The following MED14 variants were observed in gnomAD, a reference collection of about 807,000 sequenced individuals.
The protein encoded by MED14 is mediator complex subunit 14.
Under a neutral mutation model 109.0 loss-of-function variants are expected in MED14, and 8 were observed. The ratio of observed to expected loss-of-function variants is 0.07; its 90% CI spans 0.04 to 0.13. MED14 has a LOEUF of 0.13. Ranked by LOEUF, MED14 falls within the 10% of genes least tolerant of loss-of-function variation. MED14 has a pLI of 1.00. For missense variants in MED14, 711 were observed against 1,142.4 expected (o/e 0.62, Z 5.44); for synonymous variants, 399 against 408.7 (o/e 0.98, Z 0.29).
intron 26 of MED14, 29 bp from the exon 27 acceptor site, chrX:40,659,636 A>G: frequency 3.5e-6 from 4 of 1,148,410 alleles, no homozygotes; most frequent in Non-Finnish European, 4.7e-6. Context: ...TCAAATTAAC[A>G]TGTAAGTCAA....
intron 3 of MED14, among the ~76,000 whole-genome samples, chrX:40,723,914 T>A (rs764403142): frequency 1.8e-5 from 2 of 110,705 alleles, no homozygotes; most frequent in East Asian, 5.6e-4. Context: ...GAATAGATTT[T>A]AAAAAACAAG....
At position 40,666,820 on chromosome X, in the gene MED14, C is replaced by T; in HGVS notation, c.3165G>A (p.Gly1055=). ...GNLHAASSPS[G]ALRAPSPASF... ...ACGCTGGTGATGGGGCTCTCAAAGCCCCACTGGGGGAGCTGGCAGCATGCA... is the reference window on the plus strand; with the variant it reads ...ACGCTGGTGATGGGGCTCTCAAAGCTCCACTGGGGGAGCTGGCAGCATGCA... The change falls in exon 24 of 31, where the codon GGG becomes GGA. Residue 1055 remains glycine, a synonymous_variant. Transcript: ENST00000324817. The T allele has an allele frequency of 8.4e-7, 1 of 1,185,993 alleles. No individual in the cohort carries two copies. The highest frequency in any genetic ancestry group is 1.8e-5 in the African/African-American group (1 of 57,062).
chrX:40,712,347 T>C, intron 6 of MED14, 54 bp from the exon 7 acceptor site: 9 of 812,722 alleles, frequency 1.1e-5, no homozygotes, highest in South Asian at 2.7e-5. Context: ...TACAAGTGTG[T>C]CACTATACCA....
intron 5 of MED14, among the ~76,000 whole-genome samples, 177 bp downstream of exon 5, chrX:40,713,601 C>CCA: frequency 1.8e-5 from 2 of 111,806 alleles, no homozygotes; most frequent in Admixed American, 9.5e-5. Context: ...GGCCACCGCA[C>CCA]CCAGCTAATT....
intron 8 of MED14, among the ~76,000 whole-genome samples, 198 bp from the exon 9 acceptor site, chrX:40,710,327 CAT>C (rs1299963976): frequency 3.6e-5 from 4 of 111,634 alleles, no homozygotes; most frequent in Non-Finnish European, 7.5e-5. Context: ...TTAAAAAAGA[CAT>C]ATAATTTAAA....
chrX:40,690,263 A>G (rs991468663), intron 15 of MED14, among the ~76,000 whole-genome samples: 1 of 111,609 alleles, frequency 9.0e-6, no homozygotes, highest in African/African-American at 3.3e-5. Flanking sequence ...CATCAAGGAC[A>G]TGAGTATTTA....
At position 40,679,853 on chromosome X, in the gene MED14, A is replaced by T; in HGVS notation, c.2880+11T>A. Reference sequence around the variant, plus strand: ...TATGTTTACTCATGTTATAACACTAAAGTCTGTTACCTTTAGTCCTGGTGC... The same window carrying T: ...TATGTTTACTCATGTTATAACACTATAGTCTGTTACCTTTAGTCCTGGTGC... On this transcript the variant is annotated intron_variant, in intron 21 of 30. Coordinates refer to ENST00000324817, the MANE Select transcript of MED14 (RefSeq NM_004229.4). 1 of 1,207,841 alleles carries T rather than the reference A, an allele frequency of 8.3e-7. No individual in the cohort carries two copies. Among genetic ancestry groups the T allele is most frequent in the Non-Finnish European group, 1.1e-6 (1 of 892,583 alleles).
chrX:40,662,292 A>T (rs1929312833), intron 26 of MED14, among the ~76,000 whole-genome samples: 1 of 111,179 alleles, frequency 9.0e-6, no homozygotes, highest in Non-Finnish European at 1.9e-5. Flanking sequence ...GTGCAGCAGC[A>T]TGATCACAGC....
upstream of MED14, chrX:40,735,787 A>C: frequency 2.8e-6 from 1 of 356,335 alleles, no homozygotes; most frequent in South Asian, 2.6e-5. Flanking sequence ...GGACCTTCCG[A>C]CAGGTCTGTG....
chrX:40,696,716 G>A (rs755544037), intron 13 of MED14, among the ~76,000 whole-genome samples: 1 of 111,814 alleles, frequency 8.9e-6, no homozygotes, highest in South Asian at 3.7e-4. Context: ...AAGTTTATCT[G>A]ACATCAAAAC....
chrX:40,715,802 AAAAAAAAAAAG>A (rs1221489652), intron 3 of MED14, among the ~76,000 whole-genome samples: 3 of 103,628 alleles, frequency 2.9e-5, no homozygotes, highest in Non-Finnish European at 3.9e-5. Context: ...AAAAAAAAAA[AAAAAAAAAAAG>A]GACAGACAAC....
chrX:40,655,173 CAT>C, intron 28 of MED14, 113 bp from the exon 29 acceptor site: 3 of 756,014 alleles, frequency 4.0e-6, no homozygotes, highest in Non-Finnish European at 5.8e-6. Context: ...ATTAACAGAA[CAT>C]AAAGTTAATA....
At chrX:40,657,133 C>G (rs984045711) in intron 28 of MED14, among the ~76,000 whole-genome samples, 1 of 111,635 alleles carries the variant, frequency 9.0e-6, no homozygotes, top group East Asian at 2.8e-4. Flanking sequence ...ACGTGATCCA[C>G]CTGCCTTGGC....
intron 15 of MED14, among the ~76,000 whole-genome samples, chrX:40,691,656 G>C (rs189409832): frequency 8.1e-5 from 7 of 86,308 alleles, no homozygotes; most frequent in African/African-American, 3.2e-4. Flanking sequence ...TTGTTGCCCA[G>C]GCTGGAGTGC....
chrX:40,663,340 C>G (rs1929357289), intron 25 of MED14, among the ~76,000 whole-genome samples, 180 bp from the exon 26 acceptor site: 1 of 111,645 alleles, frequency 9.0e-6, no homozygotes, highest in Non-Finnish European at 1.9e-5. Flanking sequence ...TATTTTTCTC[C>G]TTCTTATATC....
intron 23 of MED14, among the ~76,000 whole-genome samples, chrX:40,667,304 G>A (rs1184513518): frequency 8.9e-6 from 1 of 112,035 alleles, no homozygotes; most frequent in Non-Finnish European, 1.9e-5. Flanking sequence ...TAGTGAAGGA[G>A]GTGGGTGTTG....
intron 28 of MED14, among the ~76,000 whole-genome samples, chrX:40,657,045 A>C (rs1421001734): frequency 9.0e-6 from 1 of 110,548 alleles, no homozygotes; most frequent in Non-Finnish European, 1.9e-5. Flanking sequence ...CCATCACCAC[A>C]CCTGGCTAAT....
chrX:40,712,426 T>C (rs923134779), intron 6 of MED14, 133 bp from the exon 7 acceptor site: 4 of 420,448 alleles, frequency 9.5e-6, no homozygotes, highest in African/African-American at 4.9e-5. Flanking sequence ...AAACTTGACA[T>C]TGTACTCTGA....
Position 40,659,127 on chromosome X carries a change from A to G in MED14, c.3972+100T>C. 7.1e-6 allele frequency: 3 copies of G among 423,793 alleles called. No individual in the cohort carries two copies. In the African/African-American group the frequency reaches 7.6e-5, roughly 11 times the overall value. 34.9% of individuals were successfully genotyped at this position (423,793 alleles called of 1,213,427 possible). ...AATTAAGAATTTAAGAGAAAAATAGAAGAAACTACATAGATGGGTGAAAAC... is the reference window on the plus strand; with the variant it reads ...AATTAAGAATTTAAGAGAAAAATAGGAGAAACTACATAGATGGGTGAAAAC... On this transcript the variant is annotated intron_variant, in intron 28 of 30. Coordinates refer to ENST00000324817, the MANE Select transcript of MED14 (RefSeq NM_004229.4).
Sources: gnomAD v4.1 joint callset for allele counts (sites outside exome capture counted in the v4.1 genomes callset) on GRCh38, gnomAD v4.1.1 for gene constraint, MANE v1.5 for transcripts, NCBI Gene and HGNC (gene_info 2026-07-23, HGNC 2026-07-21) for gene names.